EIF4EBP1: variants seen among roughly 807,000 people sequenced by gnomAD.
The protein encoded by EIF4EBP1 is eukaryotic translation initiation factor 4E-binding protein 1.
EIF4EBP1 carries 5 observed loss-of-function variants against 9.2 expected under a neutral mutation model. That is an observed-to-expected ratio of 0.54 (90% CI 0.28 to 1.14). The LOEUF (loss-of-function observed/expected upper bound fraction) is 1.14, where lower values mean the gene tolerates loss of function less well. Ranked by LOEUF, EIF4EBP1 falls within the 50% of genes most tolerant of loss-of-function variation. EIF4EBP1 has a pLI of 0.09. For synonymous variants in EIF4EBP1, 62 were observed against 67.0 expected (o/e 0.93, Z 0.36); for missense variants, 139 against 169.6 (o/e 0.82, Z 1.00).
At chr8:38,033,215 C>T (rs1809250135) in intron 1 of EIF4EBP1, among the ~76,000 whole-genome samples, 1 of 151,784 alleles carries the variant, frequency 6.6e-6, no homozygotes, top group Admixed American at 6.6e-5. Flanking sequence ...CAGGCATGCA[C>T]CACCCATGCC....
At chr8:38,033,506 C>T (rs900897109) in intron 1 of EIF4EBP1, among the ~76,000 whole-genome samples, 4 of 151,822 alleles carry the variant, frequency 2.6e-5, no homozygotes, top group African/African-American at 9.7e-5. Flanking sequence ...ATGGCTCCAT[C>T]CAGGTAAACT....
At chr8:38,035,070 C>T (rs1809280262) in intron 1 of EIF4EBP1, among the ~76,000 whole-genome samples, 1 of 152,094 alleles carries the variant, frequency 6.6e-6, no homozygotes, top group Non-Finnish European at 1.5e-5. Context: ...GCCTGAGCAA[C>T]ATAGTGAGAC....
intron 1 of EIF4EBP1, among the ~76,000 whole-genome samples, chr8:38,035,203 C>T (rs1809282225): frequency 6.6e-6 from 1 of 151,754 alleles, no homozygotes; most frequent in Non-Finnish European, 1.5e-5. Context: ...CCCTCCAATC[C>T]CCAGACTCCT....
intron 1 of EIF4EBP1, among the ~76,000 whole-genome samples, chr8:38,044,258 C>T (rs139064567): frequency 1.7e-4 from 26 of 152,238 alleles, no homozygotes; most frequent in African/African-American, 6.3e-4. Flanking sequence ...AAAGTGAGGG[C>T]CATGCGCGGC....
At chr8:38,046,874 C>T (rs1809454737) in intron 1 of EIF4EBP1, among the ~76,000 whole-genome samples, 1 of 152,204 alleles carries the variant, frequency 6.6e-6, no homozygotes, top group Non-Finnish European at 1.5e-5. Context: ...ACCTTGAACT[C>T]TACCCCCAGC....
chr8:38,046,518 C>T (rs914606002), intron 1 of EIF4EBP1, among the ~76,000 whole-genome samples: 2 of 152,106 alleles, frequency 1.3e-5, no homozygotes, highest in Admixed American at 1.3e-4. Flanking sequence ...CTGATTTATC[C>T]CTGCTTTGAC....
chr8:38,049,218 G>A (rs764107330), intron 1 of EIF4EBP1, among the ~76,000 whole-genome samples: 1 of 152,016 alleles, frequency 6.6e-6, no homozygotes, highest in Non-Finnish European at 1.5e-5. Context: ...GATGCAGGTT[G>A]AAGTGAATTT....
intron 1 of EIF4EBP1, among the ~76,000 whole-genome samples, chr8:38,042,763 C>T (rs1809399489): frequency 6.6e-6 from 1 of 152,160 alleles, no homozygotes; most frequent in Admixed American, 6.6e-5. Context: ...TGGGCTTCAA[C>T]ATAAGAGTTT....
intron 1 of EIF4EBP1, among the ~76,000 whole-genome samples, chr8:38,033,143 C>A (rs1188341960): frequency 1.3e-5 from 2 of 149,894 alleles, no homozygotes; most frequent in East Asian, 3.9e-4. Context: ...CAGCTCACAG[C>A]AACCTCCACC....
intron 1 of EIF4EBP1, chr8:38,047,397 G>T (rs1267305331): frequency 6.6e-6 from 1 of 152,114 alleles, no homozygotes; most frequent in Non-Finnish European, 1.5e-5. Flanking sequence ...TGTGGGTAAG[G>T]ATTAACATTT....
chr8:38,059,418 C>T (rs1178064194), intron 2 of EIF4EBP1, among the ~76,000 whole-genome samples: 3 of 152,136 alleles, frequency 2.0e-5, no homozygotes, highest in South Asian at 2.1e-4. Context: ...CTGAGGCCGG[C>T]GTCATGCTTG....
intron 1 of EIF4EBP1, among the ~76,000 whole-genome samples, chr8:38,054,894 CAG>C (rs983921440): frequency 2.4e-4 from 36 of 152,146 alleles, no homozygotes; most frequent in Admixed American, 2.0e-4. Context: ...AGGCCCAAAA[CAG>C]GGGGTGCAAG....
intron 1 of EIF4EBP1, among the ~76,000 whole-genome samples, chr8:38,037,823 G>T (rs763496221): frequency 3.9e-5 from 6 of 152,004 alleles, no homozygotes; most frequent in African/African-American, 1.4e-4. Flanking sequence ...TTGCAGGTTG[G>T]AGTACAGTGG....
intron 1 of EIF4EBP1, among the ~76,000 whole-genome samples, chr8:38,031,157 T>G (rs974696268): frequency 6.6e-6 from 1 of 152,150 alleles, no homozygotes; most frequent in South Asian, 2.1e-4. Context: ...CCTTTTTCCT[T>G]CCCGAAGCAC....
intron 1 of EIF4EBP1, among the ~76,000 whole-genome samples, chr8:38,047,641 C>T (rs890545768): frequency 1.3e-5 from 2 of 152,028 alleles, no homozygotes; most frequent in Non-Finnish European, 2.9e-5. Context: ...CATGCCACCA[C>T]GCCCAGCTAA....
chr8:38,052,631 T>C (rs1809540421), intron 1 of EIF4EBP1, among the ~76,000 whole-genome samples: 2 of 151,880 alleles, frequency 1.3e-5, no homozygotes, highest in African/African-American at 4.8e-5. Context: ...GCAAGGAGAA[T>C]TGCTTGAACC....
At chr8:38,056,035 T>C (rs573004975) in intron 1 of EIF4EBP1, among the ~76,000 whole-genome samples, 1 of 152,196 alleles carries the variant, frequency 6.6e-6, no homozygotes, top group South Asian at 2.1e-4. Context: ...TCTCTTTTTT[T>C]TTTGGAACTG....
chr8:38,043,257 G>A (rs780122087), intron 1 of EIF4EBP1, among the ~76,000 whole-genome samples: 2 of 152,176 alleles, frequency 1.3e-5, no homozygotes, highest in Non-Finnish European at 2.9e-5. Context: ...GTGTTTGGGA[G>A]GAGGTTAAGG....
chr8:38,035,856 C>T (rs1462868587), intron 1 of EIF4EBP1, among the ~76,000 whole-genome samples: 11 of 151,240 alleles, frequency 7.3e-5, no homozygotes, highest in Admixed American at 1.3e-4. Context: ...TTTACAGGCG[C>T]GCTACCACGC....
Sources: gnomAD v4.1 joint callset for allele counts (sites outside exome capture counted in the v4.1 genomes callset) on GRCh38, gnomAD v4.1.1 for gene constraint, MANE v1.5 for transcripts, NCBI Gene and HGNC (gene_info 2026-07-23, HGNC 2026-07-21) for gene names.